TRPM3: variants seen among roughly 807,000 people sequenced by gnomAD.
TRPM3 encodes long transient receptor potential channel 3.
In TRPM3, 77 loss-of-function variants were observed where a neutral mutation model predicts 181.2. The observed-to-expected ratio is 0.42, with a 90% confidence interval of 0.35 to 0.51. The LOEUF is 0.51. TRPM3 is among the 20% of genes least tolerant of loss of function. TRPM3 has a pLI of 0.01. For missense variants in TRPM3, 1,759 were observed against 2,196.7 expected (o/e 0.80, Z 3.98); for synonymous variants, 745 against 796.4 (o/e 0.94, Z 1.09).
upstream of TRPM3, among the ~76,000 whole-genome samples, chr9:71,123,626 A>C (rs543944706): frequency 6.6e-6 from 1 of 152,356 alleles, no homozygotes; most frequent in East Asian, 1.9e-4. Context: ...GTCAAGCAAG[A>C]CAAATTAAAA....
chr9:71,333,092 A>C (rs1484460529), intron 1 of TRPM3, among the ~76,000 whole-genome samples: 1 of 151,870 alleles, frequency 6.6e-6, no homozygotes, highest in Admixed American at 6.6e-5. Context: ...TGAACTGTGC[A>C]ACAAATATTT....
In TRPM3 at chr9:71,349,968, C is replaced by CATATATAT. The variant is rs758622802; in HGVS notation, c.183+96677_183+96684dup. ...CATAATAATGATCTCATTGTAAGTG[C>CATATATAT]ATATATATATATATATATATATATA... is the stretch of plus-strand genomic sequence containing the variant. On this transcript the variant is annotated intron_variant, in intron 1 of 24. Transcript: ENST00000357533. Among the ~76,000 whole-genome samples the CATATATAT allele has an allele frequency of 8.5e-3, 578 of 67,622 alleles. 3 individuals are homozygous for CATATATAT. The highest frequency in any genetic ancestry group is 0.021 in the South Asian group (41 of 1,924). 44.4% of individuals were successfully genotyped at this position (67,622 alleles called of 152,430 possible).
Position 71,309,957 on chromosome 9 carries a change from G to A in TRPM3, c.183+136696C>T, listed in dbSNP as rs186943124. Among the ~76,000 whole-genome samples, 1,073 of 152,176 alleles carry A rather than the reference G, an allele frequency of 7.1e-3. 3 individuals are homozygous for A. The highest frequency in any genetic ancestry group is 0.017 in the Middle Eastern group (5 of 294). Reference sequence around the variant, plus strand: ...ATGTATGAAAGAATTTTATAGTAGAGAACACATCTTTGGAAAGAACTATTT... The same window carrying A: ...ATGTATGAAAGAATTTTATAGTAGAAAACACATCTTTGGAAAGAACTATTT... On this transcript the variant is annotated intron_variant, in intron 1 of 24. Coordinates refer to the TRPM3 transcript ENST00000357533.
chr9:71,411,555 G>T (rs2093550414), intron 1 of TRPM3, among the ~76,000 whole-genome samples: 1 of 152,148 alleles, frequency 6.6e-6, no homozygotes, highest in Non-Finnish European at 1.5e-5. Flanking sequence ...GGATGTGAAG[G>T]ACCTCTTCAA....
intron 5 of TRPM3, among the ~76,000 whole-genome samples, chr9:70,831,320 A>AT (rs1403573794): frequency 1.3e-5 from 2 of 151,656 alleles, no homozygotes; most frequent in South Asian, 2.1e-4. Flanking sequence ...ATACAAATGA[A>AT]TTTTTTCTTC....
rs1256992143 is a variant in TRPM3, at chr9:70,535,506, T to G, written c.*447A>C. ...GTGAAAAGAAAACAGAATGGAAGTT[T>G]AGAATATCTCATTGTGTACGCTGGC... On this transcript the variant is annotated 3_prime_UTR_variant, in exon 26 of 26. Coordinates refer to ENST00000677713, the MANE Select transcript of TRPM3 (RefSeq NM_001366145.2). 4 of 1,550,100 alleles carry G rather than the reference T, an allele frequency of 2.6e-6. No homozygotes were observed. The highest frequency in any genetic ancestry group is 1.4e-5 in the African/African-American group (1 of 73,038).
chr9:70,758,099 A>G (rs1407221304), intron 8 of TRPM3, among the ~76,000 whole-genome samples: 1 of 152,180 alleles, frequency 6.6e-6, no homozygotes, highest in East Asian at 1.9e-4. Flanking sequence ...TCAGCCCAAA[A>G]TCTCCTTAAG....
intron 10 of TRPM3, among the ~76,000 whole-genome samples, chr9:70,640,063 A>G (rs1450243425): frequency 6.6e-6 from 1 of 152,146 alleles, no homozygotes; most frequent in African/African-American, 2.4e-5. Context: ...GAACAGTTAT[A>G]TAAAGCATTG....
chr9:71,194,971 T>A (rs543666197), intron 1 of TRPM3, among the ~76,000 whole-genome samples: 1 of 151,932 alleles, frequency 6.6e-6, no homozygotes, highest in Admixed American at 6.6e-5. Flanking sequence ...ACATCACAGA[T>A]AGAAACACTG....
intron 1 of TRPM3, among the ~76,000 whole-genome samples, chr9:71,446,500 A>G (rs983225620): frequency 6.6e-6 from 1 of 152,016 alleles, no homozygotes; most frequent in Admixed American, 6.5e-5. Flanking sequence ...GCCCTTCCTC[A>G]CAGCCCCCAG....
At chr9:70,934,527 G>T (rs2096806301) in intron 1 of TRPM3, among the ~76,000 whole-genome samples, 1 of 152,176 alleles carries the variant, frequency 6.6e-6, no homozygotes, top group Non-Finnish European at 1.5e-5. Flanking sequence ...CTAGACATAG[G>T]TTCATATTCC....
At chr9:70,754,200 T>C (rs1025298105) in intron 8 of TRPM3, among the ~76,000 whole-genome samples, 15 of 152,146 alleles carry the variant, frequency 9.9e-5, no homozygotes, top group South Asian at 2.1e-4. Context: ...TTGGTTTCTA[T>C]GCACATAATC....
At chr9:70,800,476 G>A (rs1260159856) in intron 6 of TRPM3, among the ~76,000 whole-genome samples, 1 of 152,120 alleles carries the variant, frequency 6.6e-6, no homozygotes, top group African/African-American at 2.4e-5. Flanking sequence ...GTTGACCCTT[G>A]AACAACATGG....
At chr9:71,335,512 A>C (rs969671235) in intron 1 of TRPM3, among the ~76,000 whole-genome samples, 2 of 152,096 alleles carry the variant, frequency 1.3e-5, no homozygotes, top group African/African-American at 4.8e-5. Context: ...AACACTTTAA[A>C]CTTGAGCATC....
intron 1 of TRPM3, among the ~76,000 whole-genome samples, chr9:71,268,942 G>A (rs1043847996): frequency 6.6e-6 from 1 of 152,178 alleles, no homozygotes; most frequent in Non-Finnish European, 1.5e-5. Context: ...GAGGAGTAAG[G>A]TTAGAGGCCA....
chr9:70,764,888 C>T (rs1169505693), intron 7 of TRPM3, among the ~76,000 whole-genome samples: 1 of 151,138 alleles, frequency 6.6e-6, no homozygotes, highest in Non-Finnish European at 1.5e-5. Context: ...TGTAGATCTC[C>T]CCTTTTAATG....
At chr9:71,308,285 A>T (rs942263934) in intron 1 of TRPM3, among the ~76,000 whole-genome samples, 3 of 152,078 alleles carry the variant, frequency 2.0e-5, no homozygotes, top group Non-Finnish European at 2.9e-5. Context: ...TGTTTCTTTA[A>T]AAAAAACCTA....
At position 70,754,805 on chromosome 9, in the gene TRPM3, C is replaced by G. The variant is rs62544536; in HGVS notation, c.1272+6796G>C. The stretch of plus-strand genomic sequence containing the variant: ...ACAAGAGAAAAGAGAAACTCTATGA[C>G]GATGCAATGCCTCCTTGTTTTGTGT... On this transcript the variant is annotated intron_variant, in intron 8 of 25. Coordinates refer to ENST00000677713, the MANE Select transcript of TRPM3 (RefSeq NM_001366145.2). Among the ~76,000 whole-genome samples the G allele has an allele frequency of 3.9e-3, 601 of 152,170 alleles. 4 individuals are homozygous for G. Among genetic ancestry groups the G allele is most frequent in the East Asian group, 0.02 (104 of 5,172 alleles).
At chr9:70,563,189 C>T (rs904321389) in intron 22 of TRPM3, among the ~76,000 whole-genome samples, 2 of 152,200 alleles carry the variant, frequency 1.3e-5, no homozygotes, top group African/African-American at 4.8e-5. Flanking sequence ...ACCTTTGCTT[C>T]TAGGTGCTTG....
Sources: allele counts gnomAD v4.1 joint callset (sites outside exome capture counted in the v4.1 genomes callset), GRCh38; gene constraint gnomAD v4.1.1; transcripts MANE v1.5; gene names NCBI Gene and HGNC (gene_info 2026-07-23, HGNC 2026-07-21).